BRINP3: variants seen among roughly 807,000 people sequenced by gnomAD.
The protein encoded by BRINP3 is BMP/retinoic acid inducible neural specific 3.
A neutral mutation model predicts 71.0 loss-of-function variants in BRINP3; 19 were observed. The ratio of observed to expected loss-of-function variants is 0.27; its 90% CI spans 0.19 to 0.39. BRINP3 has a LOEUF of 0.39. Among genes scored for constraint, BRINP3 ranks in the 10% least tolerant of loss-of-function variants. The pLI, the probability that BRINP3 is intolerant of heterozygous loss-of-function variation, is 1.00. For synonymous variants in BRINP3, 380 were observed against 337.7 expected (o/e 1.13, Z -1.37); for missense variants, 959 against 940.8 (o/e 1.02, Z -0.25).
intron 2 of BRINP3, among the ~76,000 whole-genome samples, chr1:190,291,031 T>A (rs1320400180): frequency 6.6e-6 from 1 of 151,650 alleles, no homozygotes; most frequent in Non-Finnish European, 1.5e-5. Flanking sequence ...AGTTTATCCA[T>A]TAAATGGGGA....
chr1:190,133,472 T>C (rs1156717598), intron 7 of BRINP3, among the ~76,000 whole-genome samples: 1 of 151,964 alleles, frequency 6.6e-6, no homozygotes. Context: ...TGGCATAGTA[T>C]AGAGTGGGAG....
At chr1:190,380,823 A>C (rs1047688254) in intron 2 of BRINP3, among the ~76,000 whole-genome samples, 18 of 152,150 alleles carry the variant, frequency 1.2e-4, no homozygotes, top group African/African-American at 3.4e-4. Flanking sequence ...AAAAAACACA[A>C]TTTGTTCGAG....
intron 7 of BRINP3, chr1:190,154,245 A>T (rs1369746668): frequency 6.3e-6 from 1 of 159,982 alleles, no homozygotes; most frequent in African/African-American, 2.4e-5. Flanking sequence ...GTGATGCAGC[A>T]TGCGCTCAGA....
At chr1:190,101,130 T>C (rs547974547) in intron 7 of BRINP3, among the ~76,000 whole-genome samples, 178 of 152,294 alleles carry the variant, frequency 1.2e-3, no homozygotes, top group African/African-American at 4.2e-3. Context: ...AACCAATACA[T>C]TTCTGTTCAT....
At position 190,177,795 on chromosome 1, in the gene BRINP3, A is replaced by T. The variant is rs1431379830; in HGVS notation, c.962-16905T>A. On this transcript the variant is annotated intron_variant, in intron 6 of 7. Transcript: ENST00000367462. ...CTCAAACAAATTGGAATGTTATTTC[A>T]CACGCACTGCAGTTGGCCCTTCTTA... Among the ~76,000 whole-genome samples the T allele has an allele frequency of 1.3e-5, 2 of 152,182 alleles. 1 individual carries two copies. Among genetic ancestry groups the T allele is most frequent in the Admixed American group, 1.3e-4 (2 of 15,278 alleles).
intron 2 of BRINP3, among the ~76,000 whole-genome samples, chr1:190,377,096 A>C (rs1041250665): frequency 6.6e-6 from 1 of 151,922 alleles, no homozygotes; most frequent in Non-Finnish European, 1.5e-5. Flanking sequence ...ATTATTTTTA[A>C]TTTTCAATAT....
intron 2 of BRINP3, among the ~76,000 whole-genome samples, chr1:190,428,252 A>T (rs1186644315): frequency 6.6e-6 from 1 of 152,034 alleles, no homozygotes; most frequent in East Asian, 1.9e-4. Context: ...ACAATCTCTA[A>T]ATTGCGTTGT....
At chr1:190,372,025 TCA>T (rs377271535) in intron 2 of BRINP3, among the ~76,000 whole-genome samples, 74 of 152,256 alleles carry the variant, frequency 4.9e-4, no homozygotes, top group African/African-American at 1.7e-3. Context: ...TACTGGTTTT[TCA>T]CAGTGAATAC....
rs201940061 is a variant in BRINP3 at position 190,161,502 on chromosome 1, C to T, written c.962-612G>A. On this transcript the variant is annotated intron_variant, in intron 6 of 7. Transcript: ENST00000367462. ...CTGACTATATTCTAATTTGTTATGA[C>T]TAACCATTTAAAACATGAGTACATG... Among the ~76,000 whole-genome samples, 6 of 151,782 alleles carry T rather than the reference C, an allele frequency of 4.0e-5. No individual in the cohort carries two copies. The East Asian group carries it at 9.6e-4, about 24-fold the overall frequency.
intron 2 of BRINP3, among the ~76,000 whole-genome samples, chr1:190,328,303 C>G (rs567173628): frequency 6.6e-6 from 1 of 152,000 alleles, no homozygotes; most frequent in Non-Finnish European, 1.5e-5. Flanking sequence ...CATAAACAGA[C>G]CACAAGCTAG....
chr1:190,320,455 A>T (rs1666164534), intron 2 of BRINP3, among the ~76,000 whole-genome samples: 1 of 152,050 alleles, frequency 6.6e-6, no homozygotes, highest in Non-Finnish European at 1.5e-5. Flanking sequence ...TTTATACCAC[A>T]TTGCTTATTG....
At chr1:190,161,937 G>C (rs1218769184) in intron 6 of BRINP3, among the ~76,000 whole-genome samples, 1 of 151,976 alleles carries the variant, frequency 6.6e-6, no homozygotes, top group African/African-American at 2.4e-5. Context: ...TCAATGCTGG[G>C]AAATGCAACT....
intron 2 of BRINP3, among the ~76,000 whole-genome samples, chr1:190,323,602 A>C (rs1431134902): frequency 6.6e-6 from 1 of 151,718 alleles, no homozygotes; most frequent in African/African-American, 2.4e-5. Flanking sequence ...AAATACAAAA[A>C]AAAAAAAATA....
intron 6 of BRINP3, among the ~76,000 whole-genome samples, chr1:190,212,343 A>G (rs1275337322): frequency 1.3e-5 from 2 of 152,126 alleles, no homozygotes; most frequent in Non-Finnish European, 2.9e-5. Context: ...TCCTTCTAGT[A>G]AAGCTTGGTT....
At chr1:190,404,596 C>T (rs775990192) in intron 2 of BRINP3, among the ~76,000 whole-genome samples, 4 of 152,130 alleles carry the variant, frequency 2.6e-5, no homozygotes, top group African/African-American at 4.8e-5. Context: ...GATATCATTA[C>T]CTTACATTTG....
At chr1:190,243,295 G>T (rs1659286388) in intron 4 of BRINP3, among the ~76,000 whole-genome samples, 1 of 152,002 alleles carries the variant, frequency 6.6e-6, no homozygotes, top group African/African-American at 2.4e-5. Context: ...ATTGGTCTTG[G>T]AGATGCCAAG....
At chr1:190,429,144 C>T (rs1300286400) in intron 2 of BRINP3, among the ~76,000 whole-genome samples, 1 of 152,050 alleles carries the variant, frequency 6.6e-6, no homozygotes, top group East Asian at 1.9e-4. Context: ...AAGAAGCTGT[C>T]ACTTTATAAA....
At chr1:190,455,804 T>C (rs1218582105) in intron 1 of BRINP3, among the ~76,000 whole-genome samples, 3 of 152,170 alleles carry the variant, frequency 2.0e-5, no homozygotes, top group Non-Finnish European at 4.4e-5. Flanking sequence ...GCATACATTG[T>C]AGTATAATCA....
chr1:190,281,731 C>A lies in BRINP3; in HGVS notation c.256G>T (p.Val86Leu), dbSNP rs778175581. ...KIYREFGRWK[V>L]NNLAVERRNF... is the part of the protein sequence containing the mutation. ...CTTCTCTCAACTGCAAGGTTATTTA[C>A]TTTCCAGCGGCCAAACTCCCTGAAA... The change falls in exon 3 of 8, where the codon GTA (valine) becomes TTA (leucine). Residue 86 changes from valine to leucine, a missense_variant. Val to Leu is a conservative substitution (Grantham distance 32, BLOSUM62 1). Coordinates refer to ENST00000367462, the MANE Select transcript of BRINP3 (RefSeq NM_199051.3). 6.2e-7 allele frequency: 1 copy of A among 1,610,076 alleles called. No individual in the cohort carries two copies. The highest frequency in any genetic ancestry group is 1.7e-5 in the Admixed American group (1 of 59,098).
Sources: gnomAD v4.1 joint callset for allele counts (sites outside exome capture counted in the v4.1 genomes callset) on GRCh38, gnomAD v4.1.1 for gene constraint, MANE v1.5 for transcripts, NCBI Gene and HGNC (gene_info 2026-07-23, HGNC 2026-07-21) for gene names.